The following SLC44A5 variants were observed in gnomAD, a reference collection of about 807,000 sequenced individuals.
The protein encoded by SLC44A5 is choline transporter-like protein 5.
SLC44A5 carries 57 observed loss-of-function variants against 101.8 expected under a neutral mutation model. The ratio of observed to expected loss-of-function variants is 0.56; its 90% CI spans 0.45 to 0.70. SLC44A5 has a LOEUF of 0.70. Ranked by LOEUF, SLC44A5 falls within the 30% of genes least tolerant of loss-of-function variation. SLC44A5 has a pLI of 0.00. For missense variants in SLC44A5, 737 were observed against 853.1 expected, an observed-to-expected ratio of 0.86 and a Z score of 1.70; for synonymous variants, 281 against 290.9, an observed-to-expected ratio of 0.97 and a Z score of 0.35.
the SLC44A5 span, among the ~76,000 whole-genome samples, chr1:75,672,672 A>G: frequency 6.6e-6 from 1 of 152,122 alleles, no homozygotes; most frequent in African/African-American, 2.4e-5. Flanking sequence ...GGCAGCACCA[A>G]TTGCAGCTCT....
intron 3 of SLC44A5, among the ~76,000 whole-genome samples, chr1:75,385,353 C>T (rs1225406507): frequency 6.7e-6 from 1 of 150,260 alleles, no homozygotes; most frequent in Non-Finnish European, 1.5e-5. Context: ...CAAATAGACA[C>T]AATAAAAAAT....
Position 75,211,510 on chromosome 1 carries a change from T to G in SLC44A5, c.2005A>C (p.Ser669Arg). Reference protein sequence around the residue: ...GSYLIAHGFFSVYAMCVETIF... With the variant: ...GSYLIAHGFFRVYAMCVETIF... ...GTTTCAACACACATTGCATAGACGC[T>G]GAAGAACCCATGTGCAATCAGGTAA... The change falls in exon 23 of 24, where the codon AGC (serine) becomes CGC (arginine). Residue 669 changes from serine (S) to arginine (R), a missense_variant. By Grantham distance (110) the Ser-to-Arg change is moderately radical. This residue lies in a region of SLC44A5 where 61 missense variants were observed against 56.5 expected (regional missense o/e 1.08). Coordinates refer to ENST00000370859, the MANE Select transcript of SLC44A5 (RefSeq NM_001130058.2). 6.2e-7 allele frequency: 1 copy of G among 1,612,842 alleles called. No individual in the cohort carries two copies. Among genetic ancestry groups the G allele is most frequent in the South Asian group, 1.1e-5 (1 of 91,046 alleles).
chr1:75,596,057 T>C (rs1363180794), intron 1 of SLC44A5, among the ~76,000 whole-genome samples: 1 of 152,182 alleles, frequency 6.6e-6, no homozygotes, highest in Non-Finnish European at 1.5e-5. Flanking sequence ...TCAAATCTTC[T>C]AATAACCAAT....
At chr1:75,682,469 A>T in the SLC44A5 span, among the ~76,000 whole-genome samples, 2 of 151,894 alleles carry the variant, frequency 1.3e-5, no homozygotes, top group Non-Finnish European at 1.5e-5. Flanking sequence ...CAACTATCTG[A>T]TCTTTGACAA....
chr1:75,641,351 T>C, the SLC44A5 span: 1 of 742,388 alleles, frequency 1.3e-6, no homozygotes, highest in Non-Finnish European at 2.4e-6. Context: ...TCTCTTAACA[T>C]TAGTATCGTC....
At chr1:75,204,087 C>T (rs1243435019) in intron 23 of SLC44A5, among the ~76,000 whole-genome samples, 3 of 152,152 alleles carry the variant, frequency 2.0e-5, no homozygotes, top group Admixed American at 1.3e-4. Context: ...GCCAATATTG[C>T]GTGTCTCTCA....
chr1:75,633,279 G>T, the SLC44A5 span, among the ~76,000 whole-genome samples: 1 of 152,120 alleles, frequency 6.6e-6, no homozygotes, highest in African/African-American at 2.4e-5. Flanking sequence ...AGCTTGATGG[G>T]GATGGCATTG....
intron 3 of SLC44A5, among the ~76,000 whole-genome samples, chr1:75,340,208 G>A (rs1195015604): frequency 6.6e-6 from 1 of 152,116 alleles, no homozygotes; most frequent in Non-Finnish European, 1.5e-5. Flanking sequence ...CTGGGAAGGT[G>A]CCCTTGTCAC....
At chr1:75,688,610 A>G in the SLC44A5 span, among the ~76,000 whole-genome samples, 2 of 152,208 alleles carry the variant, frequency 1.3e-5, no homozygotes, top group Admixed American at 6.5e-5. Context: ...TGACCTCAAA[A>G]GCCCTCCCAT....
intron 2 of SLC44A5, among the ~76,000 whole-genome samples, chr1:75,511,038 G>A (rs1219102793): frequency 6.6e-6 from 1 of 152,188 alleles, no homozygotes; most frequent in East Asian, 1.9e-4. Context: ...AGCTACTCGG[G>A]AGGCTGAGGC....
chr1:75,378,919 G>A (rs796110841), intron 3 of SLC44A5, among the ~76,000 whole-genome samples: 5,011 of 65,060 alleles, frequency 0.077, 303 homozygotes, highest in South Asian at 0.15. Flanking sequence ...AGGGCAGGGC[G>A]CCATACCCTC....
chr1:75,629,650 G>T, the SLC44A5 span, among the ~76,000 whole-genome samples: 1 of 151,992 alleles, frequency 6.6e-6, no homozygotes, highest in Non-Finnish European at 1.5e-5. Flanking sequence ...TATTTTAAAA[G>T]ATAAAAAGAA....
At chr1:75,565,111 G>A (rs1672723391) in intron 1 of SLC44A5, among the ~76,000 whole-genome samples, 1 of 152,096 alleles carries the variant, frequency 6.6e-6, no homozygotes, top group South Asian at 2.1e-4. Flanking sequence ...TTTATCTGAA[G>A]TCTCTTCCCC....
At chr1:75,346,506 T>C (rs17096782) in intron 3 of SLC44A5, among the ~76,000 whole-genome samples, 17,156 of 152,132 alleles carry the variant, frequency 0.11, 1,409 homozygotes, top group African/African-American at 0.22. Flanking sequence ...AATGGACGTT[T>C]AGGGGGCATT....
chr1:75,619,371 C>T, the SLC44A5 span, among the ~76,000 whole-genome samples: 7 of 152,048 alleles, frequency 4.6e-5, no homozygotes, highest in African/African-American at 1.7e-4. Flanking sequence ...CAGTGCGTTG[C>T]TGTATAGATG....
chr1:75,420,558 C>G (rs1663940850), intron 2 of SLC44A5, among the ~76,000 whole-genome samples: 1 of 152,100 alleles, frequency 6.6e-6, no homozygotes, highest in South Asian at 2.1e-4. Context: ...CAAGAAACAA[C>G]TATCTGCTGT....
chr1:75,484,962 G>A (rs1210838620), intron 2 of SLC44A5, among the ~76,000 whole-genome samples: 2 of 152,254 alleles, frequency 1.3e-5, no homozygotes, highest in African/African-American at 4.8e-5. Flanking sequence ...TCACAGAGCA[G>A]CAAGGCCATG....
chr1:75,481,101 A>G (rs1316474098), intron 2 of SLC44A5, among the ~76,000 whole-genome samples: 2 of 152,216 alleles, frequency 1.3e-5, no homozygotes, highest in African/African-American at 4.8e-5. Context: ...GTAACGCCAC[A>G]TATCTACAAC....
intron 2 of SLC44A5, among the ~76,000 whole-genome samples, chr1:75,478,460 T>C (rs1370951948): frequency 1.3e-5 from 2 of 152,038 alleles, no homozygotes; most frequent in Non-Finnish European, 2.9e-5. Context: ...GACTGGCAAA[T>C]TGGATAAAGA....
Sources: allele counts gnomAD v4.1 joint callset (sites outside exome capture counted in the v4.1 genomes callset), GRCh38; gene constraint gnomAD v4.1.1; regional missense constraint gnomAD v4.1.1; transcripts MANE v1.5; gene names NCBI Gene and HGNC (gene_info 2026-07-23, HGNC 2026-07-21).